SLC35F4: variants seen among roughly 807,000 people sequenced by gnomAD.
SLC35F4 encodes chromosome 14 open reading frame 36.
A neutral mutation model predicts 44.2 loss-of-function variants in SLC35F4; 24 were observed. The ratio of observed to expected loss-of-function variants is 0.54; its 90% confidence interval spans 0.39 to 0.76. The LOEUF (loss-of-function observed/expected upper bound fraction) is 0.76, where lower values mean the gene tolerates loss of function less well. SLC35F4 is among the 30% of genes least tolerant of loss of function. The probability of loss-of-function intolerance (pLI) is 0.00; values close to 1 mark genes in which losing one functional copy is unlikely to be tolerated. For synonymous variants in SLC35F4, 238 were observed against 223.6 expected (o/e 1.06, Z -0.57); for missense variants, 562 against 586.1 (o/e 0.96, Z 0.42).
chr14:57,705,816 G>A (rs887737277), intron 1 of SLC35F4, among the ~76,000 whole-genome samples: 10 of 152,134 alleles, frequency 6.6e-5, no homozygotes, highest in South Asian at 6.2e-4. Context: ...TTTCCTACTG[G>A]GAAACTAACA....
At chr14:57,743,559 G>T (rs1029471550) in intron 1 of SLC35F4, among the ~76,000 whole-genome samples, 2 of 152,126 alleles carry the variant, frequency 1.3e-5, no homozygotes, top group Non-Finnish European at 2.9e-5. Flanking sequence ...CTAATAACAG[G>T]CGCTGAAATT....
intron 1 of SLC35F4, among the ~76,000 whole-genome samples, chr14:57,625,981 AC>A (rs1223540280): frequency 6.6e-6 from 1 of 152,080 alleles, no homozygotes; most frequent in African/African-American, 2.4e-5. Context: ...ACCATGGAAT[AC>A]TAAGCAGCCA....
chr14:57,849,904 G>A (rs151291864), intron 1 of SLC35F4, among the ~76,000 whole-genome samples: 1,630 of 152,250 alleles, frequency 0.011, 10 homozygotes, highest in Non-Finnish European at 0.017. Flanking sequence ...CACCCCTGAG[G>A]AAACTTTGGA....
intron 1 of SLC35F4, among the ~76,000 whole-genome samples, chr14:57,881,959 G>A (rs1007117980): frequency 6.6e-6 from 1 of 152,156 alleles, no homozygotes; most frequent in Non-Finnish European, 1.5e-5. Context: ...AGTTTAGCTT[G>A]CATAATTTGA....
At chr14:57,796,944 T>C (rs1335972973) in intron 1 of SLC35F4, among the ~76,000 whole-genome samples, 1 of 152,242 alleles carries the variant, frequency 6.6e-6, no homozygotes, top group Non-Finnish European at 1.5e-5. Context: ...ACAAGGTGAA[T>C]GTGCTCTTGC....
intron 1 of SLC35F4, among the ~76,000 whole-genome samples, chr14:57,979,281 T>C (rs981123544): frequency 2.6e-5 from 4 of 152,208 alleles, no homozygotes; most frequent in Non-Finnish European, 5.9e-5. Context: ...GCAGATATTG[T>C]AGCTGGCTGG....
intron 1 of SLC35F4, among the ~76,000 whole-genome samples, chr14:57,642,507 G>A (rs1245114131): frequency 6.7e-6 from 1 of 150,282 alleles, no homozygotes; most frequent in Admixed American, 6.6e-5. Context: ...TAAATCAGAA[G>A]TTTAACTTTC....
intron 1 of SLC35F4, among the ~76,000 whole-genome samples, chr14:57,762,083 C>T (rs1431064215): frequency 6.6e-6 from 1 of 152,092 alleles, no homozygotes; most frequent in Non-Finnish European, 1.5e-5. Context: ...ACCAGGGCTA[C>T]TTTTTTATAT....
intron 1 of SLC35F4, among the ~76,000 whole-genome samples, chr14:57,651,423 C>T (rs1307647171): frequency 2.0e-5 from 3 of 151,984 alleles, no homozygotes; most frequent in Non-Finnish European, 4.4e-5. Context: ...CCATGAAGCC[C>T]AGCCAGTGCC....
chr14:57,936,339 T>C (rs1381592281), intron 1 of SLC35F4, among the ~76,000 whole-genome samples: 1 of 152,240 alleles, frequency 6.6e-6, no homozygotes, highest in African/African-American at 2.4e-5. Flanking sequence ...AAACATATCG[T>C]GACAACCTCC....
intron 3 of SLC35F4, among the ~76,000 whole-genome samples, chr14:57,584,604 T>A (rs756650431): frequency 9.9e-5 from 15 of 152,140 alleles, no homozygotes; most frequent in African/African-American, 3.4e-4. Flanking sequence ...AAGCTCTGAT[T>A]CTATTTCAGA....
intron 1 of SLC35F4, chr14:57,630,390 G>C (rs963458494): frequency 1.5e-6 from 1 of 652,640 alleles, no homozygotes; most frequent in Non-Finnish European, 2.8e-6. Context: ...AAATATGATA[G>C]ATTCAAACAC....
At chr14:57,631,698 C>T (rs1052581392) in intron 1 of SLC35F4, among the ~76,000 whole-genome samples, 4 of 152,144 alleles carry the variant, frequency 2.6e-5, no homozygotes, top group Non-Finnish European at 5.9e-5. Flanking sequence ...CAGTTTTAAG[C>T]AAGAGTCAGA....
At chr14:57,659,554 T>C (rs1322923512) in intron 1 of SLC35F4, among the ~76,000 whole-genome samples, 2 of 152,076 alleles carry the variant, frequency 1.3e-5, no homozygotes, top group South Asian at 2.1e-4. Context: ...TCCCACTTTA[T>C]AGATGAGGAA....
intron 1 of SLC35F4, among the ~76,000 whole-genome samples, chr14:57,690,262 T>C (rs1271055365): frequency 6.6e-6 from 1 of 152,136 alleles, no homozygotes; most frequent in East Asian, 1.9e-4. Context: ...GTACTACGAA[T>C]ACAGTAGCAA....
intron 1 of SLC35F4, among the ~76,000 whole-genome samples, chr14:57,878,296 C>T (rs1888445674): frequency 6.6e-6 from 1 of 152,068 alleles, no homozygotes; most frequent in African/African-American, 2.4e-5. Context: ...TACCACACAA[C>T]TTTCTATCTG....
chr14:57,674,678 C>G (rs1381660511), intron 1 of SLC35F4, among the ~76,000 whole-genome samples: 1 of 152,022 alleles, frequency 6.6e-6, no homozygotes, highest in African/African-American at 2.4e-5. Context: ...AGTCTGCCAC[C>G]TTTTTATGGA....
At chr14:57,755,583 C>T (rs1164463801) in intron 1 of SLC35F4, among the ~76,000 whole-genome samples, 1 of 152,038 alleles carries the variant, frequency 6.6e-6, no homozygotes, top group Non-Finnish European at 1.5e-5. Flanking sequence ...TTTATGTTGT[C>T]CCAAGTGCTC....
intron 1 of SLC35F4, among the ~76,000 whole-genome samples, chr14:57,733,583 G>A (rs2076398576): frequency 6.6e-6 from 1 of 151,716 alleles, no homozygotes; most frequent in African/African-American, 2.4e-5. Context: ...AATTTCAAGA[G>A]TGACATGTAT....
Sources: gnomAD v4.1 joint callset for allele counts (sites outside exome capture counted in the v4.1 genomes callset) on GRCh38, gnomAD v4.1.1 for gene constraint, MANE v1.5 for transcripts, NCBI Gene and HGNC (gene_info 2026-07-23, HGNC 2026-07-21) for gene names.